The following SAMMSON variants were observed in gnomAD, a reference collection of about 807,000 sequenced individuals.
SAMMSON encodes the protein survival associated mitochondrial melanoma specific oncogenic non-coding RNA, also known as long intergenic non-protein coding RNA 1212.
chr3:70,283,649 GC>G (rs1354289012), intron 6 of SAMMSON: 2 of 151,918 alleles, frequency 1.3e-5, no homozygotes, highest in African/African-American at 4.8e-5. Context: ...CTGGGGTCAG[GC>G]TTTTGGAGCT....
intron 4 of SAMMSON, among the ~76,000 whole-genome samples, chr3:70,093,521 G>A (rs568160652): frequency 4.5e-4 from 69 of 152,264 alleles, no homozygotes; most frequent in Middle Eastern, 3.4e-3. Flanking sequence ...TGCCACAACC[G>A]TCTTCTGAAT....
chr3:70,361,150 C>T (rs536410119), intron 9 of SAMMSON, among the ~76,000 whole-genome samples: 3 of 152,068 alleles, frequency 2.0e-5, no homozygotes, highest in South Asian at 2.1e-4. Flanking sequence ...CCCTTAAAGA[C>T]GTATTGCATC....
intron 4 of SAMMSON, among the ~76,000 whole-genome samples, chr3:70,229,883 T>C (rs907947797): frequency 1.3e-5 from 2 of 152,174 alleles, no homozygotes; most frequent in Non-Finnish European, 2.9e-5. Flanking sequence ...ACATGTTAAT[T>C]TGGGATACAA....
chr3:70,012,234 A>G (rs2066959552), intron 1 of SAMMSON: 1 of 152,176 alleles, frequency 6.6e-6, no homozygotes, highest in African/African-American at 2.4e-5. Context: ...TGGCTCCTCA[A>G]AAATGTCTGC....
At chr3:70,290,574 G>C (rs137876058) in intron 6 of SAMMSON, among the ~76,000 whole-genome samples, 4,051 of 152,350 alleles carry the variant, frequency 0.027, 71 homozygotes, top group Middle Eastern at 0.068. Context: ...TCCTTGAGCT[G>C]TGGTGGGCTC....
intron 1 of SAMMSON, among the ~76,000 whole-genome samples, chr3:70,008,686 G>A (rs1444958591): frequency 1.3e-5 from 2 of 152,188 alleles, no homozygotes; most frequent in Non-Finnish European, 2.9e-5. Flanking sequence ...TTGAATAGGA[G>A]TGGTGAGAGA....
chr3:70,103,171 CTGAG>C (rs2067352584), intron 4 of SAMMSON, among the ~76,000 whole-genome samples: 1 of 152,102 alleles, frequency 6.6e-6, no homozygotes, highest in African/African-American at 2.4e-5. Context: ...CCACGGTTAC[CTGAG>C]TATCTCAGGT....
chr3:70,170,686 G>A (rs1164579046), intron 4 of SAMMSON, among the ~76,000 whole-genome samples: 1 of 148,808 alleles, frequency 6.7e-6, no homozygotes, highest in East Asian at 2.0e-4. Context: ...AAATTGTGAA[G>A]GACATTGTTA....
At chr3:70,304,734 C>G (rs1702383489) in intron 7 of SAMMSON, among the ~76,000 whole-genome samples, 2 of 152,188 alleles carry the variant, frequency 1.3e-5, no homozygotes, top group South Asian at 4.1e-4. Flanking sequence ...TGTTTCTTCT[C>G]TTTACCTCAT....
intron 6 of SAMMSON, among the ~76,000 whole-genome samples, chr3:70,252,797 A>C (rs559671107): frequency 1.3e-5 from 2 of 152,248 alleles, no homozygotes; most frequent in South Asian, 4.1e-4. Flanking sequence ...ATCAAAAAGA[A>C]GGCCAGGCGC....
chr3:70,423,545 T>C (rs1418078441), intron 2 of SAMMSON, among the ~76,000 whole-genome samples: 3 of 152,174 alleles, frequency 2.0e-5, no homozygotes, highest in Non-Finnish European at 4.4e-5. Flanking sequence ...CAATCAGTGA[T>C]GATAATTTAA....
intron 4 of SAMMSON, chr3:70,184,153 G>A (rs959050612): frequency 6.6e-6 from 1 of 152,178 alleles, no homozygotes; most frequent in Non-Finnish European, 1.5e-5. Flanking sequence ...TGTATCATCC[G>A]TGATGCTTCT....
intron 3 of SAMMSON, among the ~76,000 whole-genome samples, chr3:70,041,182 A>T (rs9840951): frequency 0.45 from 68,951 of 151,926 alleles, 16,709 homozygotes; most frequent in East Asian, 0.62. Flanking sequence ...CAAAGTGTCC[A>T]GTGTAAAAAG....
intron 1 of SAMMSON, among the ~76,000 whole-genome samples, chr3:70,003,985 A>C (rs2066916119): frequency 6.6e-6 from 1 of 151,980 alleles, no homozygotes; most frequent in South Asian, 2.1e-4. Flanking sequence ...TCTCTTGGGT[A>C]CTTAATTTTT....
At chr3:70,266,030 A>G (rs1040930310) in intron 6 of SAMMSON, among the ~76,000 whole-genome samples, 8 of 151,974 alleles carry the variant, frequency 5.3e-5, no homozygotes, top group East Asian at 3.9e-4. Context: ...CATATCACCA[A>G]AAAAGTTTGC....
At chr3:70,362,401 C>T (rs574764225) in intron 9 of SAMMSON, among the ~76,000 whole-genome samples, 4 of 152,204 alleles carry the variant, frequency 2.6e-5, no homozygotes, top group South Asian at 2.1e-4. Flanking sequence ...GCCCAGAACA[C>T]GTATGTCTTT....
chr3:70,140,848 T>A (rs535202985), intron 4 of SAMMSON, among the ~76,000 whole-genome samples: 2 of 152,216 alleles, frequency 1.3e-5, no homozygotes, highest in South Asian at 4.2e-4. Context: ...TCCATCTGAG[T>A]CTTCATCAGA....
intron 2 of SAMMSON, among the ~76,000 whole-genome samples, chr3:70,404,004 T>G (rs769982804): frequency 3.3e-5 from 5 of 152,148 alleles, no homozygotes; most frequent in Non-Finnish European, 5.9e-5. Context: ...TGTTTCAGTG[T>G]AGTCTCAGAT....
chr3:70,282,605 T>G (rs1702099515), intron 6 of SAMMSON, among the ~76,000 whole-genome samples: 1 of 152,194 alleles, frequency 6.6e-6, no homozygotes. Context: ...TTTTCTATGC[T>G]GGAAATCCTT....
Sources: gnomAD v4.1 joint callset for allele counts (sites outside exome capture counted in the v4.1 genomes callset) on GRCh38, gnomAD v4.1.1 for gene constraint, MANE v1.5 for transcripts, NCBI Gene and HGNC (gene_info 2026-07-23, HGNC 2026-07-21) for gene names.